The following GPC5 variants were observed in gnomAD, a reference collection of about 807,000 sequenced individuals.
The protein encoded by GPC5 is glypican 5.
In GPC5, 47 loss-of-function variants were observed where a neutral mutation model predicts 53.9. The observed-to-expected ratio is 0.87, with a 90% CI of 0.69 to 1.11. The LOEUF is 1.11. GPC5 is among the 50% of genes most tolerant of loss of function. The pLI, the probability that GPC5 is intolerant of heterozygous loss-of-function variation, is 0.00. For synonymous variants in GPC5, 286 were observed against 263.3 expected (o/e 1.09, Z -0.84); for missense variants, 748 against 713.1 (o/e 1.05, Z -0.56).
In GPC5 at chr13:92,142,327, AG is replaced by A. The variant is rs1312276980; in HGVS notation, c.1402-2501del. ...AATTCCTTTTGTCATGTAAGTTGGT[AG>A]GCACGACTGACATCATATTCACAGC... On this transcript the variant is annotated intron_variant, in intron 6 of 7. Coordinates refer to ENST00000377067, the MANE Select transcript of GPC5 (RefSeq NM_004466.6). 8.5e-5 allele frequency among the ~76,000 whole-genome samples: 13 copies of A among 152,336 alleles called. No individual in the cohort carries two copies. In the East Asian group the frequency reaches 2.3e-3, roughly 27 times the overall value.
At chr13:91,761,021 G>C (rs1462386721) in intron 5 of GPC5, among the ~76,000 whole-genome samples, 1 of 152,054 alleles carries the variant, frequency 6.6e-6, no homozygotes, top group Non-Finnish European at 1.5e-5. Context: ...TCCCCTTCCT[G>C]TCTCTTCATT....
intron 7 of GPC5, among the ~76,000 whole-genome samples, chr13:92,646,396 T>A (rs1885769860): frequency 6.6e-6 from 1 of 152,180 alleles, no homozygotes; most frequent in Non-Finnish European, 1.5e-5. Flanking sequence ...TTTACCTCAA[T>A]GCAACCCTAT....
chr13:91,508,213 T>C (rs981265163), intron 2 of GPC5, among the ~76,000 whole-genome samples: 2 of 152,202 alleles, frequency 1.3e-5, no homozygotes, highest in Non-Finnish European at 2.9e-5. Context: ...CAAAACTTAC[T>C]GTTAGTATAA....
At chr13:92,863,330 T>C (rs775364479) in intron 7 of GPC5, among the ~76,000 whole-genome samples, 1 of 152,118 alleles carries the variant, frequency 6.6e-6, no homozygotes, top group Non-Finnish European at 1.5e-5. Context: ...CAGGTAATAA[T>C]AACAGTGCCT....
intron 2 of GPC5, among the ~76,000 whole-genome samples, chr13:91,621,435 G>A (rs560918473): frequency 5.9e-5 from 9 of 151,956 alleles, no homozygotes; most frequent in East Asian, 1.9e-4. Flanking sequence ...CCTTTGTTTC[G>A]GTGACAGGTA....
rs1424502145 is a variant in GPC5 at position 91,653,101 on chromosome 13, T to A, written c.326-40086T>A. On this transcript the variant is annotated intron_variant, in intron 2 of 7. Coordinates refer to ENST00000377067, the MANE Select transcript of GPC5 (RefSeq NM_004466.6). ...TCTGATGTCATCTGTAGCTAAGGACTGTAACTTCTGTATTGTATTCTCTAA... is the reference window on the plus strand; with the variant it reads ...TCTGATGTCATCTGTAGCTAAGGACAGTAACTTCTGTATTGTATTCTCTAA... 2.0e-5 allele frequency among the ~76,000 whole-genome samples: 3 copies of A among 152,234 alleles called. No individual in the cohort carries two copies. In the East Asian group the frequency reaches 5.8e-4, roughly 29 times the overall value.
intron 1 of GPC5, among the ~76,000 whole-genome samples, chr13:91,408,290 C>T (rs1421053714): frequency 1.3e-5 from 2 of 152,168 alleles, no homozygotes; most frequent in Non-Finnish European, 2.9e-5. Flanking sequence ...TTAGATTCTA[C>T]ATGAATGAGA....
chr13:91,621,909 G>T (rs977880388), intron 2 of GPC5, among the ~76,000 whole-genome samples: 1 of 151,744 alleles, frequency 6.6e-6, no homozygotes, highest in East Asian at 1.9e-4. Flanking sequence ...AAGTAGGGAA[G>T]CCAACAGTGC....
In GPC5 at chr13:92,780,526, T is replaced by TA. The variant is rs539893690; in HGVS notation, c.1562-85750dup. 6.1e-3 allele frequency among the ~76,000 whole-genome samples: 927 copies of TA among 152,142 alleles called. 11 individuals carry two copies. The highest frequency in any genetic ancestry group is 7.8e-3 in the Non-Finnish European group (532 of 67,922). On this transcript the variant is annotated intron_variant, in intron 7 of 7. Coordinates refer to ENST00000377067, the MANE Select transcript of GPC5 (RefSeq NM_004466.6). ...TGAGACTTTGCGTATAGACAGTTAA[T>TA]AAAAAACAGTATCAATGATAATGCT...
intron 5 of GPC5, among the ~76,000 whole-genome samples, chr13:91,816,088 T>G (rs918667950): frequency 6.6e-6 from 1 of 152,136 alleles, no homozygotes; most frequent in Non-Finnish European, 1.5e-5. Context: ...GAGGGAGAGA[T>G]CAGTAAGGCC....
At chr13:92,312,744 A>G (rs1042877142) in intron 7 of GPC5, among the ~76,000 whole-genome samples, 2 of 152,142 alleles carry the variant, frequency 1.3e-5, no homozygotes, top group African/African-American at 4.8e-5. Context: ...GTGTAATTTT[A>G]TCTTCATTTT....
intron 2 of GPC5, among the ~76,000 whole-genome samples, chr13:91,509,593 A>T (rs1204950580): frequency 6.6e-6 from 1 of 151,842 alleles, no homozygotes; most frequent in African/African-American, 2.4e-5. Flanking sequence ...TTCATGTTAC[A>T]TTAGGACAAT....
chr13:91,872,759 TATATAC>T (rs1352727726), intron 5 of GPC5, among the ~76,000 whole-genome samples: 2 of 152,164 alleles, frequency 1.3e-5, no homozygotes, highest in Admixed American at 6.6e-5. Context: ...TTGCATATTT[TATATAC>T]ATCGTGCTTT....
intron 7 of GPC5, among the ~76,000 whole-genome samples, chr13:92,757,465 G>C (rs1481235853): frequency 4.6e-5 from 7 of 152,162 alleles, no homozygotes. Flanking sequence ...GGCAACAGAA[G>C]CCAAAATTGA....
intron 7 of GPC5, among the ~76,000 whole-genome samples, chr13:92,454,524 T>A (rs1291142076): frequency 1.3e-5 from 2 of 152,198 alleles, no homozygotes; most frequent in Non-Finnish European, 2.9e-5. Context: ...TTCACATTAA[T>A]CCTCATAATA....
intron 3 of GPC5, among the ~76,000 whole-genome samples, chr13:91,714,566 T>A (rs545127325): frequency 6.6e-6 from 1 of 152,288 alleles, no homozygotes; most frequent in Admixed American, 6.5e-5. Flanking sequence ...AGATACTATA[T>A]ATAAATGTGT....
chr13:92,302,394 GC>G (rs2043081972), intron 7 of GPC5, among the ~76,000 whole-genome samples: 1 of 152,062 alleles, frequency 6.6e-6, no homozygotes, highest in Non-Finnish European at 1.5e-5. Flanking sequence ...ATTGAATAGT[GC>G]CCTTGGATAT....
chr13:92,716,495 C>T (rs1888330453), intron 7 of GPC5, among the ~76,000 whole-genome samples: 1 of 151,632 alleles, frequency 6.6e-6, no homozygotes, highest in African/African-American at 2.4e-5. Context: ...CTTTTTCATC[C>T]TTCATTGTAA....
chr13:91,875,645 T>C (rs2039194090), intron 5 of GPC5, among the ~76,000 whole-genome samples: 2 of 152,244 alleles, frequency 1.3e-5, no homozygotes, highest in South Asian at 4.1e-4. Context: ...TCCTTCTTTA[T>C]TGTTTCTTGC....
Sources: gnomAD v4.1 joint callset for allele counts (sites outside exome capture counted in the v4.1 genomes callset) on GRCh38, gnomAD v4.1.1 for gene constraint, MANE v1.5 for transcripts, NCBI Gene and HGNC (gene_info 2026-07-23, HGNC 2026-07-21) for gene names.